The following ZNF577 variants were observed in gnomAD, a reference collection of about 807,000 sequenced individuals.
ZNF577 encodes the protein zinc finger protein 577.
Under a neutral mutation model 13.9 loss-of-function variants are expected in ZNF577, and 14 were observed. That is an observed-to-expected ratio of 1.00 (90% CI 0.66 to 1.57). ZNF577 has a LOEUF of 1.57. Among genes scored for constraint, ZNF577 ranks in the 40% most tolerant of loss-of-function variants. The probability of loss-of-function intolerance (pLI) is 0.00; values close to 1 mark genes in which losing one functional copy is unlikely to be tolerated. For missense variants in ZNF577, 555 were observed against 579.2 expected, an observed-to-expected ratio of 0.96 and a Z score of 0.43; for synonymous variants, 203 against 202.9, an observed-to-expected ratio of 1.00 and a Z score of 0.00.
At chr19:51,838,062 C>A (rs1017563637) in intron 9 of ZNF577, among the ~76,000 whole-genome samples, 1 of 152,176 alleles carries the variant, frequency 6.6e-6, no homozygotes, top group Non-Finnish European at 1.5e-5. Context: ...TTCAGCCAAA[C>A]GCATTCAGAT....
At chr19:51,812,988 G>A (rs1368597050) in intron 9 of ZNF577, among the ~76,000 whole-genome samples, 6 of 151,962 alleles carry the variant, frequency 3.9e-5, no homozygotes, top group Non-Finnish European at 4.4e-5. Context: ...AGGCATGGTG[G>A]TGAACCTGTA....
chr19:51,877,616 A>G (rs2084787370), intron 4 of ZNF577: 1 of 373,684 alleles, frequency 2.7e-6, no homozygotes, highest in South Asian at 6.0e-5. Flanking sequence ...ACAGAAAATA[A>G]CAATTGTTGG....
At chr19:51,851,573 C>T (rs745759463) in intron 5 of ZNF577, among the ~76,000 whole-genome samples, 2 of 152,182 alleles carry the variant, frequency 1.3e-5, no homozygotes, top group African/African-American at 4.8e-5. Context: ...TCTCCTAGCA[C>T]TGACACCCAT....
At position 51,824,939 on chromosome 19, in the gene ZNF577, C is replaced by A; in HGVS notation, c.*600-13265G>T. On this transcript the variant is annotated intron_variant and NMD_transcript_variant, in intron 9 of 10. Transcript: ENST00000638827. The surrounding 1 kb of genome is among the most constrained non-coding windows in gnomAD (Gnocchi z 4.7). ...ATCATCAACATAAAGGAAGTCTGTACCAAATCTGTAGGGGGTTTTTCCCAC... is the reference window on the plus strand; with the variant it reads ...ATCATCAACATAAAGGAAGTCTGTAACAAATCTGTAGGGGGTTTTTCCCAC... 1.3e-6 allele frequency: 1 copy of A among 765,302 alleles called. No homozygotes were observed. The highest frequency in any genetic ancestry group is 2.8e-4 in the Middle Eastern group (1 of 3,542). The allele number at this position is 765,302 out of a possible 1,614,324, so 47.4% of individuals were successfully genotyped here.
chr19:51,814,451 C>G (rs2084119516), intron 9 of ZNF577, among the ~76,000 whole-genome samples: 2 of 152,074 alleles, frequency 1.3e-5, no homozygotes, highest in South Asian at 4.2e-4. Flanking sequence ...CGGGTACTCT[C>G]TCATGCATCT....
chr19:51,855,569 A>G (rs2084410505), intron 5 of ZNF577, among the ~76,000 whole-genome samples: 1 of 152,106 alleles, frequency 6.6e-6, no homozygotes, highest in South Asian at 2.1e-4. Flanking sequence ...ATCCTCAGGA[A>G]TATGTCAGAG....
intron 5 of ZNF577, among the ~76,000 whole-genome samples, chr19:51,848,152 TCCA>T (rs1315405814): frequency 6.6e-6 from 1 of 152,190 alleles, no homozygotes; most frequent in African/African-American, 2.4e-5. Flanking sequence ...ATCCTGTACT[TCCA>T]CCTTCTTTCC....
Position 51,873,053 on chromosome 19 carries a change from G to C in ZNF577, c.937C>G (p.Leu313Val). 1.2e-6 allele frequency: 2 copies of C among 1,614,164 alleles called. No homozygotes were observed. The highest frequency in any genetic ancestry group is 1.7e-6 in the Non-Finnish European group (2 of 1,180,040). Residue 313 changes from leucine to valine, a missense_variant, in exon 6 of 6, where the codon CTG becomes GTG. By Grantham distance (32) the Leu-to-Val change is conservative. Coordinates refer to ENST00000638348, the MANE Select transcript of ZNF577 (RefSeq NM_001370449.1). Reference sequence around the variant, plus strand: ...GTATGAATCCTCTGATGTCTGGTCAGGTCTGACTTAAAATAGAAGGTTCTT... The same window carrying C: ...GTATGAATCCTCTGATGTCTGGTCACGTCTGACTTAAAATAGAAGGTTCTT... ...CGRTFYFKSD[L>V]TRHQRIHTGE...
In ZNF577 at chr19:51,869,042, C is replaced by T. The variant is rs895451669; in HGVS notation, c.*3490G>A. Among the ~76,000 whole-genome samples the T allele has an allele frequency of 6.6e-5, 10 of 152,194 alleles. No individual in the cohort carries two copies. Among genetic ancestry groups the T allele is most frequent in the Admixed American group, 2.0e-4 (3 of 15,282 alleles). ...CCTCTGCCCAAGAAAGCCTGGGTAT[C>T]GTCCAAGGTTTCTCCCCACTGAGAC... On this transcript the variant is annotated 3_prime_UTR_variant, in exon 6 of 6. Coordinates refer to ENST00000638348, the MANE Select transcript of ZNF577 (RefSeq NM_001370449.1).
At position 51,869,565 on chromosome 19, in the gene ZNF577, T is replaced by C. The variant is rs550817948; in HGVS notation, c.*2967A>G. ...CCAGTGCCGGTGCGGGTCCTCCATA[T>C]GCTGAGCACCGGTCCCCTGGGGCCA... On this transcript the variant is annotated 3_prime_UTR_variant, in exon 6 of 6. Transcript: ENST00000638348. Among the ~76,000 whole-genome samples, 2 of 152,244 alleles carry C rather than the reference T, an allele frequency of 1.3e-5. No individual in the cohort carries two copies. The highest frequency in any genetic ancestry group is 4.8e-5 in the African/African-American group (2 of 41,540).
intron 5 of ZNF577, among the ~76,000 whole-genome samples, chr19:51,849,515 G>A (rs1384610183): frequency 1.3e-5 from 2 of 152,190 alleles, no homozygotes; most frequent in East Asian, 3.9e-4. Context: ...GACACAGCAA[G>A]AAATCTTCAC....
intron 8 of ZNF577, among the ~76,000 whole-genome samples, chr19:51,842,532 T>C (rs753163283): frequency 1.3e-5 from 2 of 152,200 alleles, no homozygotes; most frequent in Non-Finnish European, 2.9e-5. Context: ...CAGATACTGG[T>C]ACCCTGATCT....
chr19:51,873,792 C>CT (rs2084708759), intron 5 of ZNF577, 86 bp from the exon 6 acceptor site: 1 of 1,065,598 alleles, frequency 9.4e-7, no homozygotes. Context: ...ATAAACCAAA[C>CT]TTATTTCCAA....
At chr19:51,883,602 C>CA (rs942683175) in intron 1 of ZNF577, among the ~76,000 whole-genome samples, 21 of 142,030 alleles carry the variant, frequency 1.5e-4, no homozygotes, top group South Asian at 2.3e-4. Context: ...GGCATGAGGG[C>CA]AAAAAAAACA....
chr19:51,883,848 A>C (rs1466916967), intron 1 of ZNF577, among the ~76,000 whole-genome samples: 2 of 152,146 alleles, frequency 1.3e-5, no homozygotes, highest in Non-Finnish European at 2.9e-5. Context: ...CGACATGGGC[A>C]GATCACTTGA....
chr19:51,841,805 C>T (rs1363604198), intron 8 of ZNF577, among the ~76,000 whole-genome samples: 1 of 152,056 alleles, frequency 6.6e-6, no homozygotes, highest in South Asian at 2.1e-4. Flanking sequence ...TGTAATCCCA[C>T]CTACTTGGGA....
chr19:51,870,065 A>G lies in ZNF577; in HGVS notation c.*2467T>C, dbSNP rs1454608615. On this transcript the variant is annotated 3_prime_UTR_variant, in exon 6 of 6. Coordinates refer to ENST00000638348, the MANE Select transcript of ZNF577 (RefSeq NM_001370449.1). ...CTGGGAGGATTAACATCCTAGGGGCATTGGGTCCAGTGCGTAGACTGAGCT... is the reference window on the plus strand; with the variant it reads ...CTGGGAGGATTAACATCCTAGGGGCGTTGGGTCCAGTGCGTAGACTGAGCT... 1.3e-5 allele frequency among the ~76,000 whole-genome samples: 2 copies of G among 152,158 alleles called. No individual in the cohort carries two copies. Among genetic ancestry groups the G allele is most frequent in the African/African-American group, 2.4e-5 (1 of 41,444 alleles).
At chr19:51,816,164 A>G (rs2084135515) in intron 9 of ZNF577, among the ~76,000 whole-genome samples, 1 of 152,114 alleles carries the variant, frequency 6.6e-6, no homozygotes, top group African/African-American at 2.4e-5. Context: ...AAGAGAGAGC[A>G]TGGAAGCTCC....
At chr19:51,831,550 G>C (rs1210586745) in intron 9 of ZNF577, among the ~76,000 whole-genome samples, 1 of 152,088 alleles carries the variant, frequency 6.6e-6, no homozygotes, top group Non-Finnish European at 1.5e-5. Context: ...CACTACAATA[G>C]TTTCCTAATC....
Sources: gnomAD v4.1 joint callset for allele counts (sites outside exome capture counted in the v4.1 genomes callset) on GRCh38, gnomAD v4.1.1 for gene constraint, Gnocchi (gnomAD v3.1) non-coding constraint, MANE v1.5 for transcripts, NCBI Gene and HGNC (gene_info 2026-07-23, HGNC 2026-07-21) for gene names.